Variants in CACNA1C observed in about 807,000 individuals in gnomAD.
The protein encoded by CACNA1C is voltage-dependent L-type calcium channel subunit alpha-1C.
A neutral mutation model predicts 229.0 loss-of-function variants in CACNA1C; 30 were observed. That is an observed-to-expected ratio of 0.13 (90% CI 0.10 to 0.18). The LOEUF (loss-of-function observed/expected upper bound fraction) is 0.18. Ranked by LOEUF, CACNA1C falls within the 10% of genes least tolerant of loss-of-function variation. The probability of loss-of-function intolerance (pLI) is 1.00; values close to 1 mark genes in which losing one functional copy is unlikely to be tolerated. For synonymous variants in CACNA1C, 1,114 were observed against 1,132.5 expected (o/e 0.98, Z 0.33); for missense variants, 1,658 against 2,845.0 (o/e 0.58, Z 9.49).
chr12:2,021,604 C>T (rs537145862), intron 1 of CACNA1C, among the ~76,000 whole-genome samples: 115 of 152,020 alleles, frequency 7.6e-4, no homozygotes, highest in African/African-American at 2.6e-3. Flanking sequence ...CGCTTGAACC[C>T]GGGAGGTGGA....
intron 3 of CACNA1C, among the ~76,000 whole-genome samples, chr12:2,169,995 G>A (rs950796884): frequency 2.6e-5 from 4 of 152,152 alleles, no homozygotes; most frequent in African/African-American, 9.7e-5. Context: ...GAAGAGCAGG[G>A]CTGGCTCCCC....
At chr12:2,594,884 A>G (rs2067338068) in intron 19 of CACNA1C, among the ~76,000 whole-genome samples, 1 of 152,140 alleles carries the variant, frequency 6.6e-6, no homozygotes, top group African/African-American at 2.4e-5. Context: ...TTCCTGCCCC[A>G]CCTCAAGACT....
chr12:2,060,007 G>A (rs888074249), intron 1 of CACNA1C, among the ~76,000 whole-genome samples: 1 of 152,172 alleles, frequency 6.6e-6, no homozygotes, highest in Non-Finnish European at 1.5e-5. Flanking sequence ...GTGGGGTGGG[G>A]GAAATCTATC....
At chr12:2,472,734 T>C (rs1270039168) in intron 5 of CACNA1C, among the ~76,000 whole-genome samples, 1 of 152,256 alleles carries the variant, frequency 6.6e-6, no homozygotes, top group Non-Finnish European at 1.5e-5. Flanking sequence ...TCACATTTTA[T>C]ATTTCTTTAT....
chr12:2,407,318 ACG>A (rs2098749534), intron 3 of CACNA1C, among the ~76,000 whole-genome samples: 4 of 149,896 alleles, frequency 2.7e-5, no homozygotes, highest in African/African-American at 9.8e-5. Flanking sequence ...GTGGGAAGGA[ACG>A]TCCTTTTGAT....
chr12:2,422,061 A>G (rs1432609757), intron 3 of CACNA1C, among the ~76,000 whole-genome samples: 1 of 152,232 alleles, frequency 6.6e-6, no homozygotes, highest in Non-Finnish European at 1.5e-5. Context: ...TCAATTTTGC[A>G]ATCTAGAAAC....
intron 30 of CACNA1C, among the ~76,000 whole-genome samples, chr12:2,636,635 C>A (rs2092746807): frequency 6.6e-6 from 1 of 152,154 alleles, no homozygotes; most frequent in Non-Finnish European, 1.5e-5. Context: ...TCAGAGTCAG[C>A]CTAGCCCTCC....
intron 3 of CACNA1C, chr12:2,288,925 G>T (rs2093102882): frequency 6.6e-6 from 1 of 152,212 alleles, no homozygotes; most frequent in South Asian, 2.1e-4. Flanking sequence ...TTAAAAGTCT[G>T]TTCTCCAACT....
chr12:2,008,114 T>G (rs1269222577), intron 1 of CACNA1C, among the ~76,000 whole-genome samples: 1 of 152,094 alleles, frequency 6.6e-6, no homozygotes, highest in African/African-American at 2.4e-5. Context: ...TACTTATTTA[T>G]TTATTTATTT....
At chr12:2,629,946 A>T (rs1049780718) in intron 29 of CACNA1C, among the ~76,000 whole-genome samples, 1 of 152,202 alleles carries the variant, frequency 6.6e-6, no homozygotes, top group Non-Finnish European at 1.5e-5. Context: ...TGGCCAGAGG[A>T]GAGGCCCATC....
At chr12:2,373,824 T>G (rs992312949) in intron 3 of CACNA1C, among the ~76,000 whole-genome samples, 1 of 152,226 alleles carries the variant, frequency 6.6e-6, no homozygotes, top group African/African-American at 2.4e-5. Flanking sequence ...GAAGGTGATC[T>G]GCAAGTCAAA....
At chr12:2,584,445 C>T in intron 15 of CACNA1C, 58 bp from the exon 16 acceptor site, 1 of 1,273,554 alleles carries the variant, frequency 7.9e-7, no homozygotes, top group East Asian at 2.3e-5. Context: ...CCCCGTGCCC[C>T]TGTGCCCACC....
At chr12:2,193,732 C>T (rs895860051) in intron 3 of CACNA1C, among the ~76,000 whole-genome samples, 1 of 152,228 alleles carries the variant, frequency 6.6e-6, no homozygotes, top group Non-Finnish European at 1.5e-5. Context: ...CTGGCCTCTG[C>T]CCTGACACCT....
intron 3 of CACNA1C, among the ~76,000 whole-genome samples, chr12:2,186,303 C>T (rs565380285): frequency 2.0e-5 from 3 of 152,242 alleles, no homozygotes; most frequent in South Asian, 2.1e-4. Context: ...TATGGGTGGC[C>T]GGGAAGGCAG....
chr12:2,256,999 A>G (rs1214136373), intron 3 of CACNA1C, among the ~76,000 whole-genome samples: 4 of 152,156 alleles, frequency 2.6e-5, no homozygotes, highest in Non-Finnish European at 5.9e-5. Context: ...TGGTGACTCA[A>G]CACAACAGAA....
chr12:2,571,208 G>C (rs563819682), intron 13 of CACNA1C, among the ~76,000 whole-genome samples: 1 of 152,188 alleles, frequency 6.6e-6, no homozygotes, highest in Non-Finnish European at 1.5e-5. Context: ...GTAACACTGG[G>C]ATTAAAAGGC....
chr12:2,304,903 C>T (rs974584424), intron 3 of CACNA1C, among the ~76,000 whole-genome samples: 4 of 152,102 alleles, frequency 2.6e-5, no homozygotes, highest in East Asian at 3.9e-4. Flanking sequence ...CCGCCATGCC[C>T]GGGGGCTTTA....
intron 3 of CACNA1C, among the ~76,000 whole-genome samples, chr12:2,413,847 C>G (rs979848095): frequency 2.0e-5 from 3 of 152,222 alleles, no homozygotes; most frequent in African/African-American, 7.2e-5. Flanking sequence ...CGTTCCTGAG[C>G]TAGAGGTGAG....
intron 1 of CACNA1C, among the ~76,000 whole-genome samples, chr12:2,044,481 C>T (rs574286162): frequency 1.1e-4 from 16 of 152,276 alleles, no homozygotes; most frequent in South Asian, 6.2e-4. Flanking sequence ...GTAACTTCCC[C>T]GCCCCCAGGT....
Sources: allele counts gnomAD v4.1 joint callset (sites outside exome capture counted in the v4.1 genomes callset), GRCh38; gene constraint gnomAD v4.1.1; transcripts MANE v1.5; gene names NCBI Gene and HGNC (gene_info 2026-07-23, HGNC 2026-07-21).